GALNT13: variants seen among roughly 807,000 people sequenced by gnomAD.
GALNT13 encodes the protein UDP-GalNAc:polypeptide N-acetylgalactosaminyltransferase 13.
Under a neutral mutation model 64.2 loss-of-function variants are expected in GALNT13, and 28 were observed. That is an observed-to-expected ratio of 0.44 (90% CI 0.32 to 0.60). GALNT13 has a LOEUF of 0.60. Ranked by LOEUF, GALNT13 falls within the 20% of genes least tolerant of loss-of-function variation. GALNT13 has a pLI of 0.05. For synonymous variants in GALNT13, 214 were observed against 224.6 expected (o/e 0.95, Z 0.42); for missense variants, 577 against 669.8 (o/e 0.86, Z 1.53).
chr2:153,666,558 C>A, the GALNT13 span, among the ~76,000 whole-genome samples: 4 of 152,264 alleles, frequency 2.6e-5, no homozygotes, highest in East Asian at 7.7e-4. Flanking sequence ...CTGAGCTGAG[C>A]CTTGGCCCCC....
chr2:153,754,530 T>C, the GALNT13 span, among the ~76,000 whole-genome samples: 1 of 152,098 alleles, frequency 6.6e-6, no homozygotes, highest in African/African-American at 2.4e-5. Context: ...CCAGTGCCTA[T>C]CCTGCTGTGG....
intron 10 of GALNT13, among the ~76,000 whole-genome samples, chr2:154,406,583 CCT>C (rs1398463898): frequency 6.6e-6 from 1 of 152,152 alleles, no homozygotes; most frequent in Non-Finnish European, 1.5e-5. Context: ...TGGTTGCTCT[CCT>C]CTTCATTAAA....
At chr2:153,777,680 G>C in the GALNT13 span, among the ~76,000 whole-genome samples, 1 of 152,158 alleles carries the variant, frequency 6.6e-6, no homozygotes, top group Non-Finnish European at 1.5e-5. Flanking sequence ...TGCTTCTTCA[G>C]TGCCTCACTG....
At chr2:154,399,143 T>G (rs1232305488) in intron 10 of GALNT13, among the ~76,000 whole-genome samples, 1 of 152,036 alleles carries the variant, frequency 6.6e-6, no homozygotes, top group Non-Finnish European at 1.5e-5. Flanking sequence ...TGAAGCTGAG[T>G]GTGTTGGCAG....
At chr2:153,730,970 A>C in the GALNT13 span, among the ~76,000 whole-genome samples, 11 of 151,888 alleles carry the variant, frequency 7.2e-5, no homozygotes, top group Non-Finnish European at 1.5e-4. Flanking sequence ...TATCTCCTGC[A>C]TTCACACATT....
At chr2:153,964,465 C>T (rs1693186989) in intron 3 of GALNT13, among the ~76,000 whole-genome samples, 1 of 152,010 alleles carries the variant, frequency 6.6e-6, no homozygotes, top group South Asian at 2.1e-4. Flanking sequence ...AAAAAAAGAA[C>T]AGCATTTTCA....
At chr2:153,547,306 C>T in the GALNT13 span, among the ~76,000 whole-genome samples, 1 of 152,282 alleles carries the variant, frequency 6.6e-6, no homozygotes, top group South Asian at 2.1e-4. Flanking sequence ...CAAGGTTGTA[C>T]TATGTCGAAA....
chr2:153,155,823 G>A, the GALNT13 span, among the ~76,000 whole-genome samples: 1 of 151,890 alleles, frequency 6.6e-6, no homozygotes, highest in Non-Finnish European at 1.5e-5. Flanking sequence ...ATAATTAAAA[G>A]AGGTTGAAAA....
At chr2:154,256,025 T>C (rs113002328) in intron 7 of GALNT13, among the ~76,000 whole-genome samples, 3,328 of 151,730 alleles carry the variant, frequency 0.022, 92 homozygotes, top group African/African-American at 0.068. Context: ...TACACCACTC[T>C]AGCCTGGGTG....
chr2:154,378,418 A>G lies in GALNT13; in HGVS notation c.1157-17573A>G, dbSNP rs112133054. Among the ~76,000 whole-genome samples, 784 of 152,284 alleles carry G rather than the reference A, an allele frequency of 5.1e-3. 7 individuals are homozygous for G. Among genetic ancestry groups the G allele is most frequent in the African/African-American group, 0.018 (747 of 41,566 alleles). ...ACTCACTTCCACACCTCCTGCTATT[A>G]GGAAACGCTTGAGCTCTAGGAAATA... On this transcript the variant is annotated intron_variant, in intron 9 of 12. Coordinates refer to ENST00000392825, the MANE Select transcript of GALNT13 (RefSeq NM_052917.4).
At chr2:154,126,872 C>T (rs1001085910) in intron 3 of GALNT13, among the ~76,000 whole-genome samples, 21 of 151,316 alleles carry the variant, frequency 1.4e-4, no homozygotes, top group Non-Finnish European at 2.9e-4. Flanking sequence ...TACCACAGTA[C>T]ATGGGAAAAA....
intron 1 of GALNT13, among the ~76,000 whole-genome samples, chr2:153,892,713 C>T (rs1373580): frequency 0.63 from 95,823 of 151,748 alleles, 30,562 homozygotes; most frequent in East Asian, 0.82. Context: ...AAACATTTTT[C>T]AATGAAATAT....
At chr2:153,871,415 C>G (rs1685919044), upstream of GALNT13, among the ~76,000 whole-genome samples, 1 of 152,092 alleles carries the variant, frequency 6.6e-6, no homozygotes, top group Non-Finnish European at 1.5e-5. Context: ...CGGAGGGCGC[C>G]GAAGCGTCAA....
At chr2:153,869,063 A>T (rs2105204135), upstream of GALNT13, among the ~76,000 whole-genome samples, 1 of 152,330 alleles carries the variant, frequency 6.6e-6, no homozygotes, top group Non-Finnish European at 1.5e-5. Context: ...CAATGGTGTT[A>T]TAAAAGGTTG....
the GALNT13 span, among the ~76,000 whole-genome samples, chr2:153,118,108 AACAC>A: frequency 1.6e-4 from 2 of 12,780 alleles, no homozygotes; most frequent in African/African-American, 2.5e-4. Context: ...ACTATGTACC[AACAC>A]ACACACACAC....
chr2:153,086,365 A>G, the GALNT13 span, among the ~76,000 whole-genome samples: 4 of 152,142 alleles, frequency 2.6e-5, no homozygotes, highest in African/African-American at 9.7e-5. Flanking sequence ...TGGTTTGGCT[A>G]TGTCCCCACC....
At chr2:154,238,999 G>C (rs1689339601) in intron 4 of GALNT13, among the ~76,000 whole-genome samples, 1 of 151,946 alleles carries the variant, frequency 6.6e-6, no homozygotes, top group Non-Finnish European at 1.5e-5. Context: ...TGTTTACACA[G>C]GAAGAAGAGG....
At chr2:153,867,136 G>A (rs1685781079), upstream of GALNT13, among the ~76,000 whole-genome samples, 1 of 152,150 alleles carries the variant, frequency 6.6e-6, no homozygotes, top group Non-Finnish European at 1.5e-5. Context: ...TAATCTTTAT[G>A]TTGCTAAATC....
At chr2:153,248,033 A>G in the GALNT13 span, among the ~76,000 whole-genome samples, 4 of 152,222 alleles carry the variant, frequency 2.6e-5, no homozygotes, top group Non-Finnish European at 5.9e-5. Flanking sequence ...GTGCCTGAAT[A>G]GACCAATAAC....
Sources: gnomAD v4.1 joint callset for allele counts (sites outside exome capture counted in the v4.1 genomes callset) on GRCh38, gnomAD v4.1.1 for gene constraint, MANE v1.5 for transcripts, NCBI Gene and HGNC (gene_info 2026-07-23, HGNC 2026-07-21) for gene names.